UCP2: variants seen among roughly 807,000 people sequenced by gnomAD.
UCP2 encodes the protein dicarboxylate carrier SLC25A8.
Under a neutral mutation model 31.3 loss-of-function variants are expected in UCP2, and 27 were observed. The observed-to-expected ratio is 0.86, with a 90% confidence interval of 0.64 to 1.19. The LOEUF is 1.19. UCP2 is among the 50% of genes most tolerant of loss of function. UCP2 has a pLI of 0.00. For synonymous variants in UCP2, 142 were observed against 157.4 expected (o/e 0.90, Z 0.73); for missense variants, 377 against 413.5 (o/e 0.91, Z 0.76).
Position 73,976,969 on chromosome 11 carries a change from AG to A in UCP2, c.385del (p.Leu129TrpfsTer12). Reference sequence around the variant, plus strand: ...CGTGGGCTGGGCCACAGCCACAGCCAGGGCACCTGTGGTGCTGCCTGCTAGG... The same window carrying A: ...CGTGGGCTGGGCCACAGCCACAGCCAGGCACCTGTGGTGCTGCCTGCTAGG... Reference protein sequence around the residue: ...RLLAGSTTGALAVAVAQPTDV... With the variant: ...RLLAGSTTGAXAVAVAQPTDV... On this transcript the variant is annotated frameshift_variant, in exon 5 of 8. Coordinates refer to ENST00000663595, the MANE Select transcript of UCP2 (RefSeq NM_003355.3). LOFTEE classifies it high-confidence loss of function. 6.2e-7 allele frequency: 1 copy of A among 1,607,820 alleles called. No individual in the cohort carries two copies. The highest frequency in any genetic ancestry group is 8.5e-7 in the Non-Finnish European group (1 of 1,175,414).
chr11:73,975,799 T>C, intron 6 of UCP2, 128 bp from the exon 7 acceptor site: 7 of 1,196,996 alleles, frequency 5.8e-6, no homozygotes, highest in Non-Finnish European at 8.3e-6. Flanking sequence ...CAATGTCTCA[T>C]GCCTGTAATC....
chr11:73,976,486 A>G (rs1252376722), intron 6 of UCP2, among the ~76,000 whole-genome samples, 155 bp downstream of exon 6: 2 of 152,212 alleles, frequency 1.3e-5, no homozygotes, highest in Non-Finnish European at 2.9e-5. Context: ...CTTCATCCCA[A>G]TTGGCTTCAA....
rs1416441465 is a variant in UCP2 at position 73,982,740 on chromosome 11, G to A, written c.-276C>T. On this transcript the variant is annotated 5_prime_UTR_variant, in exon 1 of 8. Transcript: ENST00000663595. ...GCTCACCGAGCCGCAGGGAGAACAC[G>A]GCAGTGCGTGCGGCTGTGTCTGTCG... 2 of 152,742 alleles carry A rather than the reference G, an allele frequency of 1.3e-5. No individual in the cohort carries two copies. Among genetic ancestry groups the A allele is most frequent in the African/African-American group, 2.4e-5 (1 of 41,484 alleles). The allele number at this position is 152,742 out of a possible 1,614,324, so 9.5% of individuals were successfully genotyped here. A position where few individuals can be genotyped will look rare whatever the true frequency, so the allele number is the denominator to read the frequency against.
In UCP2 at chr11:73,977,943, A is replaced by ATTT; in HGVS notation, c.279_280insAAA (p.Ala93_Ser94insLys). ...GAATCATACAGGCCGATGCGGACAGAGGCAAAGCTCATTTGGCGCTGCAGG... is the reference window on the plus strand; with the variant it reads ...GAATCATACAGGCCGATGCGGACAGATTTGGCAAAGCTCATTTGGCGCTGCAGG... On this transcript the variant is annotated inframe_insertion, in exon 4 of 8. Coordinates refer to ENST00000663595, the MANE Select transcript of UCP2 (RefSeq NM_003355.3). 6.2e-7 allele frequency: 1 copy of ATTT among 1,614,228 alleles called. No homozygotes were observed. Among genetic ancestry groups the ATTT allele is most frequent in the Non-Finnish European group, 8.5e-7 (1 of 1,180,024 alleles).
At chr11:73,976,768 G>C in intron 5 of UCP2, 26 bp from the exon 6 acceptor site, 1 of 1,614,200 alleles carries the variant, frequency 6.2e-7, no homozygotes, top group African/African-American at 1.3e-5. Flanking sequence ...GATCCTGGGT[G>C]AGACCAGAGT....
rs766756088 is a variant in UCP2 at position 73,975,065 on chromosome 11, T to G, written c.872A>C (p.Tyr291Ser). ...CATGAGGGCTCGTTTCAGCTGCTCATAGGTGACGAACATCACCACGTTCCA... is the reference window on the plus strand; with the variant it reads ...CATGAGGGCTCGTTTCAGCTGCTCAGAGGTGACGAACATCACCACGTTCCA... ...GSWNVVMFVT[Y>S]EQLKRALMAA... Residue 291 changes from tyrosine to serine, a missense_variant, in exon 8 of 8, where the codon TAT becomes TCT. By Grantham distance (144) the Tyr-to-Ser change is moderately radical. Transcript: ENST00000663595. 1 of 1,613,762 alleles carries G rather than the reference T, an allele frequency of 6.2e-7. No individual in the cohort carries two copies. Among genetic ancestry groups the G allele is most frequent in the South Asian group, 1.1e-5 (1 of 91,024 alleles).
intron 7 of UCP2, 42 bp from the exon 8 acceptor site, chr11:73,975,163 C>T (rs1565182929): frequency 6.5e-7 from 1 of 1,534,290 alleles, no homozygotes; most frequent in East Asian, 2.4e-5. Context: ...ACCTCCACCT[C>T]CCACTTCCCT....
At position 73,978,481 on chromosome 11, in the gene UCP2, A is replaced by G; in HGVS notation, c.-99-4T>C. ...GATAGAGGAACTCTGCCGGAATCTA[A>G]GCCAAGAGGAGAAAAGCCCCATTAG... On this transcript the variant is annotated splice_region_variant and splice_polypyrimidine_tract_variant and intron_variant, in intron 2 of 7. Transcript: ENST00000663595. 1 of 1,532,134 alleles carries G rather than the reference A, an allele frequency of 6.5e-7. No homozygotes were observed. Among genetic ancestry groups the G allele is most frequent in the South Asian group, 1.2e-5 (1 of 85,886 alleles). 94.9% of individuals were successfully genotyped at this position (1,532,134 alleles called of 1,614,324 possible).
chr11:73,977,955 T>C lies in UCP2; in HGVS notation c.268A>G (p.Met90Val), dbSNP rs776674824. 3 of 1,614,190 alleles carry C rather than the reference T, an allele frequency of 1.9e-6. No individual in the cohort carries two copies. Among genetic ancestry groups the C allele is most frequent in the Non-Finnish European group, 2.5e-6 (3 of 1,180,012 alleles). ...NGLVAGLQRQ[M>V]SFASVRIGLY... ...CCGATGCGGACAGAGGCAAAGCTCATTTGGCGCTGCAGGCCGGCAACCAGC... is the reference window on the plus strand; with the variant it reads ...CCGATGCGGACAGAGGCAAAGCTCACTTGGCGCTGCAGGCCGGCAACCAGC... The change falls in exon 4 of 8, where the codon ATG becomes GTG. Residue 90 changes from methionine to valine, a missense_variant. By Grantham distance (21) the Met-to-Val change is conservative (BLOSUM62 1). Transcript: ENST00000663595.
At chr11:73,980,760 G>A (rs1951438385) in intron 2 of UCP2, 1 of 152,176 alleles carries the variant, frequency 6.6e-6, no homozygotes, top group Non-Finnish European at 1.5e-5. Context: ...GCACAGACAG[G>A]GCCTTTCACA....
rs1402205429 is a variant in UCP2 at position 73,977,956 on chromosome 11, T to C, written c.267A>G (p.Gln89=). 1.2e-6 allele frequency: 2 copies of C among 1,614,180 alleles called. No homozygotes were observed. The highest frequency in any genetic ancestry group is 1.7e-6 in the Non-Finnish European group (2 of 1,180,020). The change falls in exon 4 of 8, where the codon CAA becomes CAG. Residue 89 remains glutamine (Q), a synonymous_variant. Transcript: ENST00000663595. ...YNGLVAGLQR[Q]MSFASVRIGL... Reference sequence around the variant, plus strand: ...CGATGCGGACAGAGGCAAAGCTCATTTGGCGCTGCAGGCCGGCAACCAGCC... The same window carrying C: ...CGATGCGGACAGAGGCAAAGCTCATCTGGCGCTGCAGGCCGGCAACCAGCC...
chr11:73,982,359 G>A (rs1951473235), intron 1 of UCP2, among the ~76,000 whole-genome samples: 1 of 152,378 alleles, frequency 6.6e-6, no homozygotes, highest in South Asian at 2.1e-4. Context: ...GGCCGAGGCG[G>A]GCGGATTGCT....
rs1951483540 is a variant in UCP2, at chr11:73,982,811, A to C, written c.-347T>G. 1 of 151,762 alleles carries C rather than the reference A, an allele frequency of 6.6e-6. No homozygotes were observed. Among genetic ancestry groups the C allele is most frequent in the African/African-American group, 2.4e-5 (1 of 41,132 alleles). 9.4% of individuals were successfully genotyped at this position (151,762 alleles called of 1,614,324 possible). ...ACGAGCCGGGCGAGCGTGGACAGTC[A>C]ATCCCAAGGCGCGCGCAGCTGGGCT... On this transcript the variant is annotated 5_prime_UTR_variant, in exon 1 of 8. In the 5' UTR this introduces an upstream ATG that the reference lacks. Coordinates refer to ENST00000663595, the MANE Select transcript of UCP2 (RefSeq NM_003355.3).
At chr11:73,975,177 T>G in intron 7 of UCP2, 56 bp from the exon 8 acceptor site, 1 of 1,472,482 alleles carries the variant, frequency 6.8e-7, no homozygotes, top group Non-Finnish European at 9.3e-7. Flanking sequence ...CTTCCCTCAC[T>G]GGGCCTGGTA....
rs369586591 is a variant in UCP2 at position 73,978,220 on chromosome 11, C to T, written c.126+33G>A. ...GTCTTTGGGGAGGGAACAGAGTAGA[C>T]ACCATCAAGACTCCCAGGCTTCATC... On this transcript the variant is annotated intron_variant, in intron 3 of 7. Coordinates refer to ENST00000663595, the MANE Select transcript of UCP2 (RefSeq NM_003355.3). 5.6e-6 allele frequency: 9 copies of T among 1,614,148 alleles called. No individual in the cohort carries two copies. The African/African-American group carries it at 1.2e-4, about 22-fold the overall frequency.
At chr11:73,977,089 A>G in intron 4 of UCP2, 72 bp from the exon 5 acceptor site, 1 of 1,473,406 alleles carries the variant, frequency 6.8e-7, no homozygotes, top group East Asian at 2.3e-5. Context: ...CCTCACCAAA[A>G]CCACCCTGTC....
chr11:73,975,798 A>C lies in UCP2; in HGVS notation c.635-127T>G, dbSNP rs548326621. On this transcript the variant is annotated intron_variant, in intron 6 of 7. Transcript: ENST00000663595. ...ACAGAGAGGCTGGGCACAATGTCTC[A>C]TGCCTGTAATCCAGGACTTCTTTTG... 3.8e-5 allele frequency: 45 copies of C among 1,189,754 alleles called. 2 individuals carry two copies. In the East Asian group the frequency reaches 6.6e-4, roughly 18 times the overall value. 73.7% of individuals were successfully genotyped at this position (1,189,754 alleles called of 1,614,324 possible).
At chr11:73,978,938 G>A in intron 2 of UCP2, 2 of 186,788 alleles carry the variant, frequency 1.1e-5, no homozygotes, top group Non-Finnish European at 2.3e-5. Context: ...CTACAGGTCT[G>A]GAACTTAAGT....
At chr11:73,980,809 G>A (rs1269598995) in intron 2 of UCP2, 1 of 152,226 alleles carries the variant, frequency 6.6e-6, no homozygotes, top group East Asian at 1.9e-4. Context: ...GTACTGAGAA[G>A]GCTCAGGCAA....
Sources: gnomAD v4.1 joint callset for allele counts (sites outside exome capture counted in the v4.1 genomes callset) on GRCh38, gnomAD v4.1.1 for gene constraint, MANE v1.5 for transcripts, NCBI Gene and HGNC (gene_info 2026-07-23, HGNC 2026-07-21) for gene names.